The following CACNA1D variants were observed in gnomAD, a reference collection of about 807,000 sequenced individuals.
The protein encoded by CACNA1D is voltage-dependent L-type calcium channel subunit alpha-1D.
Under a neutral mutation model 257.1 loss-of-function variants are expected in CACNA1D, and 55 were observed. The ratio of observed to expected loss-of-function variants is 0.21; its 90% CI spans 0.17 to 0.27. CACNA1D has a LOEUF of 0.27. Ranked by LOEUF, CACNA1D falls within the 10% of genes least tolerant of loss-of-function variation. The probability of loss-of-function intolerance (pLI) is 1.00; values close to 1 mark genes in which losing one functional copy is unlikely to be tolerated. For missense variants in CACNA1D, 1,876 were observed against 2,784.0 expected, an observed-to-expected ratio of 0.67 and a Z score of 7.34; for synonymous variants, 980 against 1,014.9, an observed-to-expected ratio of 0.97 and a Z score of 0.65.
chr3:53,655,061 G>A (rs1056002931), intron 4 of CACNA1D, among the ~76,000 whole-genome samples: 3 of 152,118 alleles, frequency 2.0e-5, no homozygotes, highest in Non-Finnish European at 4.4e-5. Context: ...AAGTGAGAAC[G>A]TGTGGTATTT....
chr3:53,681,071 A>G (rs1393408342), intron 8 of CACNA1D, among the ~76,000 whole-genome samples: 6 of 152,236 alleles, frequency 3.9e-5, no homozygotes, highest in Non-Finnish European at 8.8e-5. Context: ...GCCACAGAGC[A>G]AAGGAGAGCC....
rs556056020 is a variant in CACNA1D, at chr3:53,809,877, C to T, written c.5872-101C>T. 7 of 1,059,224 alleles carry T rather than the reference C, an allele frequency of 6.6e-6. No homozygotes were observed. In the African/African-American group the frequency reaches 1.1e-4, roughly 16 times the overall value. The allele number at this position is 1,059,224 out of a possible 1,614,324, so 65.6% of individuals were successfully genotyped here. On this transcript the variant is annotated intron_variant, in intron 46 of 47. Transcript: ENST00000350061. ...CCTTTCCAAGTCCTTGCCTGGACTG[C>T]CCCTGGCGAGCGCAGCGCCGGTGCT... is the stretch of plus-strand genomic sequence containing the variant.
chr3:53,799,069 A>G (rs1022516058), intron 40 of CACNA1D, among the ~76,000 whole-genome samples: 2 of 152,152 alleles, frequency 1.3e-5, no homozygotes, highest in Non-Finnish European at 2.9e-5. Context: ...CTGCACATCC[A>G]TTGTCTTAGC....
Position 53,723,736 on chromosome 3 carries a change from G to C in CACNA1D, c.1893-56G>C, listed in dbSNP as rs2094904757. ...CCAGTCACATCCCCGGGCAGGTGAT[G>C]TTCTGCTCTGTCCTGCATGGGTGTT... On this transcript the variant is annotated intron_variant, in intron 13 of 47. Transcript: ENST00000350061. This position sits in a 1 kb window ranked among gnomAD's most constrained non-coding sequence, Gnocchi z 5.6. 1 of 1,587,942 alleles carries C rather than the reference G, an allele frequency of 6.3e-7. No individual in the cohort carries two copies. The highest frequency in any genetic ancestry group is 1.3e-5 in the African/African-American group (1 of 74,442).
At chr3:53,809,032 T>G (rs1382286722) in intron 46 of CACNA1D, 2 of 501,488 alleles carry the variant, frequency 4.0e-6, no homozygotes, top group Non-Finnish European at 7.2e-6. Context: ...GGTGCCTCCC[T>G]GCGATCCCCA....
At position 53,800,096 on chromosome 3, in the gene CACNA1D, G is replaced by A. The variant is rs2095528672; in HGVS notation, c.4924-153G>A. On this transcript the variant is annotated intron_variant, in intron 40 of 47. Coordinates refer to ENST00000350061, the MANE Select transcript of CACNA1D (RefSeq NM_001128840.3). The surrounding 1 kb of genome is among the most constrained non-coding windows in gnomAD (Gnocchi z 4.3). ...TGCCTGACCATACCAACAACCCTTA[G>A]ACTGCCTTCAGTGACATCAGTCAGT... is the stretch of plus-strand genomic sequence containing the variant. 2 of 748,922 alleles carry A rather than the reference G, an allele frequency of 2.7e-6. No individual in the cohort carries two copies. Among genetic ancestry groups the A allele is most frequent in the East Asian group, 4.9e-5 (2 of 40,892 alleles). 46.4% of individuals were successfully genotyped at this position (748,922 alleles called of 1,614,324 possible).
At chr3:53,799,486 G>A (rs2095524864) in intron 40 of CACNA1D, among the ~76,000 whole-genome samples, 1 of 152,194 alleles carries the variant, frequency 6.6e-6, no homozygotes, top group Non-Finnish European at 1.5e-5. Flanking sequence ...GGGCCCAGAG[G>A]GATCTACCAG....
At chr3:53,757,167 A>T (rs1487166924) in intron 29 of CACNA1D, among the ~76,000 whole-genome samples, 3 of 152,056 alleles carry the variant, frequency 2.0e-5, no homozygotes, top group Non-Finnish European at 2.9e-5. Context: ...GAGCTTCTTC[A>T]TGATCTTCCT....
rs371282493 is a variant in CACNA1D, at chr3:53,766,809, G to C, written c.3871-3164G>C. Among the ~76,000 whole-genome samples the C allele has an allele frequency of 2.6e-4, 39 of 152,320 alleles. No individual in the cohort carries two copies. In the East Asian group the frequency reaches 4.4e-3, roughly 17 times the overall value. ...AGGGTGGGAAGGAACTGCCAAGTTT[G>C]TCTTGTCCAAGCCCTGAGGTGACAC... is the stretch of plus-strand genomic sequence containing the variant. On this transcript the variant is annotated intron_variant, in intron 30 of 47. Coordinates refer to ENST00000350061, the MANE Select transcript of CACNA1D (RefSeq NM_001128840.3).
At chr3:53,677,960 A>G (rs918355178) in intron 8 of CACNA1D, among the ~76,000 whole-genome samples, 6 of 152,204 alleles carry the variant, frequency 3.9e-5, no homozygotes, top group Non-Finnish European at 7.3e-5. Flanking sequence ...AGTGAGCTGA[A>G]GAATGTAGAG....
At chr3:53,609,146 C>T (rs2093550971) in intron 3 of CACNA1D, among the ~76,000 whole-genome samples, 1 of 152,196 alleles carries the variant, frequency 6.6e-6, no homozygotes, top group Admixed American at 6.5e-5. Context: ...CGCTGTGGCT[C>T]ACGCCTGTAA....
At chr3:53,541,093 T>C (rs2092285963) in intron 3 of CACNA1D, among the ~76,000 whole-genome samples, 1 of 152,208 alleles carries the variant, frequency 6.6e-6, no homozygotes, top group South Asian at 2.1e-4. Flanking sequence ...TTTAAAATTG[T>C]GCTGCAAAAA....
chr3:53,672,656 C>A, intron 7 of CACNA1D, among the ~76,000 whole-genome samples: 1 of 152,108 alleles, frequency 6.6e-6, no homozygotes, highest in East Asian at 1.9e-4. Flanking sequence ...TCCTGAAAAT[C>A]ACTTATCAAG....
chr3:53,704,494 C>A (rs2094664388), intron 9 of CACNA1D, among the ~76,000 whole-genome samples: 1 of 152,184 alleles, frequency 6.6e-6, no homozygotes, highest in Non-Finnish European at 1.5e-5. Context: ...ATGTGAGTCT[C>A]AGACTCAGCG....
At chr3:53,696,975 A>C (rs900715429) in intron 8 of CACNA1D, among the ~76,000 whole-genome samples, 11 of 152,134 alleles carry the variant, frequency 7.2e-5, no homozygotes, top group African/African-American at 2.7e-4. Context: ...GCAAGCTCTG[A>C]TGAAATGCTC....
chr3:53,605,626 G>A (rs769855161), intron 3 of CACNA1D, among the ~76,000 whole-genome samples: 25 of 152,216 alleles, frequency 1.6e-4, no homozygotes, highest in Non-Finnish European at 3.1e-4. Flanking sequence ...ACCAGAATGC[G>A]TGTGGCCCAC....
At chr3:53,615,257 CT>C (rs1186576568) in intron 3 of CACNA1D, among the ~76,000 whole-genome samples, 1 of 152,164 alleles carries the variant, frequency 6.6e-6, no homozygotes, top group Non-Finnish European at 1.5e-5. Context: ...GTTCTCCTGC[CT>C]GGTTTTGGTT....
chr3:53,665,908 GA>G (rs200651634), intron 6 of CACNA1D, 96 bp downstream of exon 6: 47 of 955,220 alleles, frequency 4.9e-5, no homozygotes, highest in Non-Finnish European at 5.4e-5. Context: ...AACAAAATAG[GA>G]AAAAAAATGC....
intron 9 of CACNA1D, among the ~76,000 whole-genome samples, chr3:53,710,806 G>A (rs191774421): frequency 7.2e-5 from 11 of 152,170 alleles, no homozygotes; most frequent in East Asian, 5.8e-4. Flanking sequence ...AATTTAAACC[G>A]TTTAGAAATT....
Sources: allele counts gnomAD v4.1 joint callset (sites outside exome capture counted in the v4.1 genomes callset), GRCh38; gene constraint gnomAD v4.1.1; non-coding constraint Gnocchi (gnomAD v3.1); transcripts MANE v1.5; gene names NCBI Gene and HGNC (gene_info 2026-07-23, HGNC 2026-07-21).